DMD: variants seen among roughly 807,000 people sequenced by gnomAD.
The protein encoded by DMD is mutant dystrophin.
DMD carries 63 observed loss-of-function variants against 330.1 expected under a neutral mutation model. The observed-to-expected ratio is 0.19, with a 90% CI of 0.16 to 0.24. The LOEUF is 0.24. Ranked by LOEUF, DMD falls within the 10% of genes least tolerant of loss-of-function variation. The pLI is 1.00. For synonymous variants in DMD, 1,223 were observed against 959.8 expected (o/e 1.27, Z -5.07); for missense variants, 3,344 against 2,684.1 (o/e 1.25, Z -5.43).
chrX:32,296,125 C>T (rs184205305), intron 42 of DMD, among the ~76,000 whole-genome samples: 1,780 of 112,191 alleles, frequency 0.016, 31 homozygotes, highest in African/African-American at 0.055. Context: ...GGCGCGGTGG[C>T]TCACGCCTGT....
At chrX:32,572,671 T>C (rs934635728) in intron 15 of DMD, among the ~76,000 whole-genome samples, 1 of 110,371 alleles carries the variant, frequency 9.1e-6, no homozygotes, top group African/African-American at 3.3e-5. Flanking sequence ...GAGGTATTTA[T>C]AATCAATGTC....
chrX:31,679,536 G>A lies in DMD; in HGVS notation c.7711C>T (p.Arg2571Trp), dbSNP rs757011771. Residue 2571 changes from arginine to tryptophan, a missense_variant, in exon 53 of 79, where the codon CGG becomes TGG. By Grantham distance (101) the Arg-to-Trp change is moderately radical (BLOSUM62 -3). Coordinates refer to ENST00000357033, the MANE Select transcript of DMD (RefSeq NM_004006.3). The part of the protein sequence containing the change: ...WDEVQEHLQN[R>W]RQQLNEMLKD... ...AACATTTCATTCAACTGTTGCCTCC[G>A]GTTCTGAAGGTGTTCTTGTACTTCA... 8 of 1,209,684 alleles carry A rather than the reference G, an allele frequency of 6.6e-6. No homozygotes were observed. In the East Asian group the frequency reaches 8.9e-5, roughly 13 times the overall value.
At chrX:31,993,568 C>A (rs975024080) in intron 44 of DMD, among the ~76,000 whole-genome samples, 8 of 111,699 alleles carry the variant, frequency 7.2e-5, no homozygotes, top group African/African-American at 2.6e-4. Flanking sequence ...AGGCTGAATT[C>A]TCTGTGGCCT....
At chrX:32,862,122 C>A (rs745846226) in intron 2 of DMD, among the ~76,000 whole-genome samples, 4 of 111,661 alleles carry the variant, frequency 3.6e-5, no homozygotes, top group African/African-American at 6.5e-5. Context: ...CTTGTAGAGA[C>A]TTCTCTCTAC....
intron 48 of DMD, among the ~76,000 whole-genome samples, chrX:31,861,714 T>A (rs1023891165): frequency 4.8e-4 from 43 of 90,372 alleles, no homozygotes; most frequent in African/African-American, 1.6e-3. Flanking sequence ...CCCTTTCTTA[T>A]AAGGGAGGGA....
At chrX:32,576,098 T>C (rs1382887640) in intron 13 of DMD, among the ~76,000 whole-genome samples, 2 of 111,922 alleles carry the variant, frequency 1.8e-5, no homozygotes, top group African/African-American at 6.5e-5. Context: ...GCATTTAATA[T>C]TGCAGTTTTG....
chrX:31,207,391 T>A (rs2044188496), intron 65 of DMD, among the ~76,000 whole-genome samples: 1 of 40,850 alleles, frequency 2.4e-5, no homozygotes, highest in Non-Finnish European at 6.4e-5. Context: ...CATAACAAAT[T>A]TATTAATAAG....
intron 43 of DMD, among the ~76,000 whole-genome samples, chrX:32,252,847 T>C (rs1296981646): frequency 4.0e-5 from 3 of 75,169 alleles, no homozygotes; most frequent in Admixed American, 2.1e-4. Context: ...TATATAAATA[T>C]ATAAATATAT....
At chrX:31,287,960 G>T (rs991024124) in intron 62 of DMD, among the ~76,000 whole-genome samples, 4 of 111,303 alleles carry the variant, frequency 3.6e-5, no homozygotes, top group African/African-American at 1.3e-4. Flanking sequence ...CCTCTTAATA[G>T]ATAAATATCC....
intron 67 of DMD, among the ~76,000 whole-genome samples, chrX:31,192,987 CA>C (rs2042535392): frequency 9.0e-6 from 1 of 111,607 alleles, no homozygotes; most frequent in African/African-American, 3.3e-5. Flanking sequence ...GTGAATACCC[CA>C]CAACACTGAT....
rs1456353224 is a variant in DMD at position 32,380,598 on chromosome X, C to A, written c.4757G>T (p.Trp1586Leu). 1 of 1,207,884 alleles carries A rather than the reference C, an allele frequency of 8.3e-7. No homozygotes were observed. Among genetic ancestry groups the A allele is most frequent in the East Asian group, 3.0e-5 (1 of 33,692 alleles). Residue 1586 changes from tryptophan (W) to leucine (L), a missense_variant, in exon 34 of 79, where the codon TGG becomes TTG. Coordinates refer to ENST00000357033, the MANE Select transcript of DMD (RefSeq NM_004006.3). Reference sequence around the variant, plus strand: ...CAATTCCATATCTGTAGCTGCCAGCCATTCTGTCAAGACATTCATTTCCTT... The same window carrying A: ...CAATTCCATATCTGTAGCTGCCAGCAATTCTGTCAAGACATTCATTTCCTT... ...MRKEMNVLTEWLAATDMELTK... is the reference protein window; with the variant it reads ...MRKEMNVLTELLAATDMELTK...
intron 13 of DMD, among the ~76,000 whole-genome samples, chrX:32,588,946 A>C (rs2054584828): frequency 9.0e-6 from 1 of 111,409 alleles, no homozygotes; most frequent in African/African-American, 3.3e-5. Flanking sequence ...ACAGTGAGGT[A>C]AGTTTCATCT....
At chrX:31,960,930 T>A (rs148011296) in intron 45 of DMD, among the ~76,000 whole-genome samples, 1,243 of 111,847 alleles carry the variant, frequency 0.011, 16 homozygotes, top group African/African-American at 0.037. Flanking sequence ...CTCTGATCAA[T>A]CTAAAAATAG....
rs1569548824 is a variant in DMD, at chrX:33,009,154, GTA to G, written c.93+10983_93+10984del. On this transcript the variant is annotated intron_variant, in intron 2 of 78. Coordinates refer to ENST00000357033, the MANE Select transcript of DMD (RefSeq NM_004006.3). ...TATGTATATATATGTGTATATATAC[GTA>G]TATATGTATATATATGTGTATATAT... is the stretch of plus-strand genomic sequence containing the variant. 9.9e-5 allele frequency among the ~76,000 whole-genome samples: 2 copies of G among 20,173 alleles called. 1 individual carries two copies. Among genetic ancestry groups the G allele is most frequent in the Non-Finnish European group, 1.8e-4 (2 of 11,425 alleles). 17.5% of individuals were successfully genotyped at this position (20,173 alleles called of 115,157 possible). A position where few individuals can be genotyped will look rare whatever the true frequency, so the allele number is the denominator to read the frequency against.
chrX:33,333,558 G>T (rs1165759706), intron 1 of DMD, among the ~76,000 whole-genome samples: 2 of 110,600 alleles, frequency 1.8e-5, no homozygotes, highest in African/African-American at 6.6e-5. Context: ...AATTTCCAGC[G>T]CTACCAGTGA....
intron 21 of DMD, among the ~76,000 whole-genome samples, chrX:32,483,410 T>G (rs1056209002): frequency 1.9e-5 from 2 of 107,117 alleles, no homozygotes; most frequent in African/African-American, 6.7e-5. Context: ...CTATATATTA[T>G]TACGTATTTA....
At chrX:31,714,146 A>G (rs1344792316) in intron 52 of DMD, among the ~76,000 whole-genome samples, 4 of 111,810 alleles carry the variant, frequency 3.6e-5, no homozygotes. Context: ...AAATTTATTT[A>G]GGAAGCATTT....
chrX:31,310,225 A>ATG (rs1491581063), intron 62 of DMD, among the ~76,000 whole-genome samples: 170 of 89,327 alleles, frequency 1.9e-3, no homozygotes, highest in African/African-American at 7.4e-3. Flanking sequence ...ATATATATAT[A>ATG]TGTGTGTGTG....
intron 1 of DMD, among the ~76,000 whole-genome samples, chrX:33,063,489 G>T (rs976188715): frequency 3.1e-4 from 35 of 111,636 alleles, no homozygotes; most frequent in African/African-American, 1.1e-3. Context: ...CTAGAATGAG[G>T]GTAAGGCTCG....
Sources: gnomAD v4.1 joint callset for allele counts (sites outside exome capture counted in the v4.1 genomes callset) on GRCh38, gnomAD v4.1.1 for gene constraint, MANE v1.5 for transcripts, NCBI Gene and HGNC (gene_info 2026-07-23, HGNC 2026-07-21) for gene names.